MAPK10: variants seen among roughly 807,000 people sequenced by gnomAD.
MAPK10 encodes the protein JNK3 alpha protein kinase.
A neutral mutation model predicts 59.3 loss-of-function variants in MAPK10; 25 were observed. The ratio of observed to expected loss-of-function variants is 0.42; its 90% CI spans 0.31 to 0.59. MAPK10 has a LOEUF of 0.59. Among genes scored for constraint, MAPK10 ranks in the 20% least tolerant of loss-of-function variants. The probability of loss-of-function intolerance (pLI) is 0.15; values close to 1 mark genes in which losing one functional copy is unlikely to be tolerated. For synonymous variants in MAPK10, 190 were observed against 200.5 expected, an observed-to-expected ratio of 0.95 and a Z score of 0.44; for missense variants, 351 against 568.9, an observed-to-expected ratio of 0.62 and a Z score of 3.90.
rs181755325 is a variant in MAPK10 at position 86,391,308 on chromosome 4, A to T, written c.-121-36664T>A. 9.2e-4 allele frequency among the ~76,000 whole-genome samples: 140 copies of T among 152,308 alleles called. 1 individual carries two copies. The highest frequency in any genetic ancestry group is 9.7e-4 in the East Asian group (5 of 5,180). On this transcript the variant is annotated intron_variant, in intron 1 of 13. Coordinates refer to the MAPK10 transcript ENST00000361569. ...AATCAGAGTAAAAAGCTTTCCTTGA[A>T]AATTTTTTCTTTAAGATTAGAGCAA...
At chr4:86,066,752 CAAAAA>C (rs60413311) in intron 10 of MAPK10, among the ~76,000 whole-genome samples, 3 of 86,526 alleles carry the variant, frequency 3.5e-5, no homozygotes, top group Admixed American at 2.7e-4. Context: ...GACTCTGTCT[CAAAAA>C]AAAAAAAAAA....
At chr4:86,234,886 T>G (rs1372811704) in intron 2 of MAPK10, among the ~76,000 whole-genome samples, 5 of 152,174 alleles carry the variant, frequency 3.3e-5, no homozygotes, top group Admixed American at 1.3e-4. Context: ...TGCCATTTTA[T>G]TTACTTGATA....
chr4:86,084,196 G>T (rs2149036038), intron 9 of MAPK10, among the ~76,000 whole-genome samples: 1 of 152,300 alleles, frequency 6.6e-6, no homozygotes, highest in Non-Finnish European at 1.5e-5. Flanking sequence ...TTGTACCTTA[G>T]GTACCAGCTT....
intron 3 of MAPK10, among the ~76,000 whole-genome samples, chr4:86,170,527 T>A (rs2073785863): frequency 6.6e-6 from 1 of 151,972 alleles, no homozygotes; most frequent in African/African-American, 2.4e-5. Flanking sequence ...GAGCTAACTA[T>A]CCTAAATATA....
chr4:86,186,045 C>G (rs2078153151), intron 3 of MAPK10, among the ~76,000 whole-genome samples: 1 of 152,014 alleles, frequency 6.6e-6, no homozygotes, highest in Non-Finnish European at 1.5e-5. Flanking sequence ...AGTGGGAGCA[C>G]TAGAAAGTGA....
intron 1 of MAPK10, among the ~76,000 whole-genome samples, chr4:86,517,222 A>G (rs889656248): frequency 6.6e-6 from 1 of 151,122 alleles, no homozygotes; most frequent in Non-Finnish European, 1.5e-5. Context: ...TATTGACTTG[A>G]ATACCTGAAT....
intron 1 of MAPK10, among the ~76,000 whole-genome samples, chr4:86,479,411 C>T (rs1006773217): frequency 6.6e-6 from 1 of 151,778 alleles, no homozygotes; most frequent in African/African-American, 2.4e-5. Context: ...TGTATAGACG[C>T]TCCTTTTTAT....
At chr4:86,317,389 T>C (rs1210664802) in intron 2 of MAPK10, among the ~76,000 whole-genome samples, 3 of 152,172 alleles carry the variant, frequency 2.0e-5, no homozygotes, top group Non-Finnish European at 2.9e-5. Context: ...TGCCCACCTC[T>C]GAGGGCCAGA....
At chr4:86,404,986 A>G (rs1250791465) in intron 1 of MAPK10, among the ~76,000 whole-genome samples, 1 of 152,232 alleles carries the variant, frequency 6.6e-6, no homozygotes, top group African/African-American at 2.4e-5. Context: ...TACATAGACT[A>G]AATGAGATAA....
intron 2 of MAPK10, among the ~76,000 whole-genome samples, chr4:86,245,460 C>T (rs549730948): frequency 3.9e-5 from 6 of 152,086 alleles, no homozygotes; most frequent in East Asian, 1.9e-4. Flanking sequence ...TACAGATGCA[C>T]GCCATCACAC....
chr4:86,347,542 C>A (rs1204693956), intron 2 of MAPK10, among the ~76,000 whole-genome samples: 2 of 152,064 alleles, frequency 1.3e-5, no homozygotes, highest in Non-Finnish European at 2.9e-5. Context: ...AAATTTTATA[C>A]AATACTAGAG....
At chr4:86,439,583 G>A (rs180881291) in intron 1 of MAPK10, among the ~76,000 whole-genome samples, 83 of 152,242 alleles carry the variant, frequency 5.5e-4, no homozygotes, top group South Asian at 2.3e-3. Flanking sequence ...GTAGACAGAC[G>A]TTTTCCTTTC....
chr4:86,478,501 ACT>A (rs750815300), intron 1 of MAPK10, among the ~76,000 whole-genome samples: 2 of 151,532 alleles, frequency 1.3e-5, no homozygotes, highest in African/African-American at 2.4e-5. Flanking sequence ...TGCTCAACTC[ACT>A]CTCTACAGTT....
chr4:86,167,065 C>G, intron 3 of MAPK10, among the ~76,000 whole-genome samples: 1 of 152,154 alleles, frequency 6.6e-6, no homozygotes, highest in Admixed American at 6.5e-5. Context: ...CACAGAAATA[C>G]AAACTACCAT....
intron 1 of MAPK10, among the ~76,000 whole-genome samples, chr4:86,436,731 A>C (rs1748769313): frequency 6.6e-6 from 1 of 152,176 alleles, no homozygotes; most frequent in South Asian, 2.1e-4. Flanking sequence ...TTGTATAGTT[A>C]ATATATCAAG....
At chr4:86,421,415 G>A (rs936747174) in intron 1 of MAPK10, among the ~76,000 whole-genome samples, 28 of 152,184 alleles carry the variant, frequency 1.8e-4, no homozygotes, top group African/African-American at 4.6e-4. Flanking sequence ...ATATATCCCT[G>A]TTTGTTGAGA....
chr4:86,500,143 C>T (rs925206637), intron 1 of MAPK10, among the ~76,000 whole-genome samples: 1 of 152,144 alleles, frequency 6.6e-6, no homozygotes, highest in African/African-American at 2.4e-5. Flanking sequence ...GATAATTGGT[C>T]AATACCCACT....
intron 1 of MAPK10, among the ~76,000 whole-genome samples, chr4:86,579,516 T>TAC (rs35878270): frequency 0.36 from 52,616 of 146,014 alleles, 9,453 homozygotes; most frequent in South Asian, 0.53. Flanking sequence ...GATATGTGTA[T>TAC]ACACACACAC....
rs10525325 is a variant in MAPK10, at chr4:86,165,543, ATTTTTTTTTTTTTTTTTTT to A, written c.67-6095_67-6077del. 3.0e-3 allele frequency among the ~76,000 whole-genome samples: 172 copies of A among 57,308 alleles called. 4 individuals are homozygous for A. Among genetic ancestry groups the A allele is most frequent in the African/African-American group, 7.3e-3 (130 of 17,752 alleles). The allele number at this position is 57,308 out of a possible 152,430, so 37.6% of individuals were successfully genotyped here. ...AGGCACATGCCACCACTCCCAGATA[ATTTTTTTTTTTTTTTTTTT>A]TTTTTTTTTTTTTTTTTTTTTAGAG... On this transcript the variant is annotated intron_variant, in intron 3 of 13. Transcript: ENST00000641462.
Sources: allele counts gnomAD v4.1 joint callset (sites outside exome capture counted in the v4.1 genomes callset), GRCh38; gene constraint gnomAD v4.1.1; transcripts MANE v1.5; gene names NCBI Gene and HGNC (gene_info 2026-07-23, HGNC 2026-07-21).